The following AVEN variants were observed in gnomAD, a reference collection of about 807,000 sequenced individuals.
AVEN encodes the protein apoptosis and caspase activation inhibitor.
In AVEN, 41 loss-of-function variants were observed where a neutral mutation model predicts 38.1. The observed-to-expected ratio is 1.08, with a 90% CI of 0.84 to 1.40. The LOEUF (loss-of-function observed/expected upper bound fraction) is 1.40, where lower values mean the gene tolerates loss of function less well. AVEN is among the 40% of genes most tolerant of loss of function. The pLI, the probability that AVEN is intolerant of heterozygous loss-of-function variation, is 0.00. For synonymous variants in AVEN, 206 were observed against 171.8 expected (o/e 1.20, Z -1.56); for missense variants, 605 against 438.8 (o/e 1.38, Z -3.38).
At chr15:34,027,012 A>G (rs1457117785) in intron 1 of AVEN, among the ~76,000 whole-genome samples, 1 of 138,034 alleles carries the variant, frequency 7.2e-6, no homozygotes, top group Non-Finnish European at 1.6e-5. Context: ...ATAGAATAGA[A>G]GTACTTCCAG....
intron 1 of AVEN, among the ~76,000 whole-genome samples, chr15:34,013,008 T>C (rs1044182468): frequency 6.6e-6 from 1 of 152,174 alleles, no homozygotes; most frequent in Non-Finnish European, 1.5e-5. Flanking sequence ...TCAAAATGAA[T>C]GTAGCATACT....
intron 2 of AVEN, among the ~76,000 whole-genome samples, chr15:33,889,073 T>C (rs1364329780): frequency 6.6e-6 from 1 of 152,198 alleles, no homozygotes; most frequent in Non-Finnish European, 1.5e-5. Context: ...CTTACAGATA[T>C]TTTAAAATTA....
chr15:33,948,285 C>T (rs918319491), intron 2 of AVEN, among the ~76,000 whole-genome samples: 2 of 151,388 alleles, frequency 1.3e-5, no homozygotes, highest in Admixed American at 6.6e-5. Flanking sequence ...TTAGTAGAGA[C>T]GGGGTTTCAC....
intron 2 of AVEN, among the ~76,000 whole-genome samples, chr15:33,966,794 G>T (rs941873573): frequency 2.0e-5 from 3 of 152,108 alleles, no homozygotes; most frequent in Non-Finnish European, 4.4e-5. Flanking sequence ...CAAATGTTAT[G>T]CTTTACCAGA....
intron 2 of AVEN, among the ~76,000 whole-genome samples, chr15:33,909,324 G>A (rs775335309): frequency 1.6e-4 from 25 of 151,918 alleles, no homozygotes; most frequent in Non-Finnish European, 3.2e-4. Flanking sequence ...TGTGCAGGGA[G>A]AAAAAACAAA....
chr15:33,975,008 C>A (rs1895823437), intron 2 of AVEN, among the ~76,000 whole-genome samples: 1 of 152,116 alleles, frequency 6.6e-6, no homozygotes. Context: ...TGAGTTTTGA[C>A]ATCCTATCAT....
downstream of AVEN, chr15:33,857,734 AGAG>A (rs1169775030): frequency 6.2e-7 from 1 of 1,610,738 alleles, no homozygotes; most frequent in South Asian, 1.1e-5. Flanking sequence ...CTTTCAAGGT[AGAG>A]AAGACCCCAC....
exon 1 of AVEN, among the ~76,000 whole-genome samples, chr15:34,074,905 G>A (rs139557360): frequency 6.6e-4 from 100 of 152,280 alleles, no homozygotes; most frequent in African/African-American, 2.3e-3. Context: ...TTGACCAGGT[G>A]CGGTGGCTCA....
downstream of AVEN, among the ~76,000 whole-genome samples, chr15:33,863,330 G>A (rs537810692): frequency 6.6e-6 from 1 of 152,156 alleles, no homozygotes; most frequent in Non-Finnish European, 1.5e-5. Context: ...GAAAGGCAGT[G>A]AACATACTTA....
chr15:33,882,679 T>G (rs1891541215), intron 2 of AVEN, among the ~76,000 whole-genome samples: 1 of 151,664 alleles, frequency 6.6e-6, no homozygotes, highest in South Asian at 2.1e-4. Context: ...CAAGCCTGGG[T>G]AACAAAATGA....
the AVEN span, chr15:33,853,461 G>C: frequency 6.9e-7 from 1 of 1,453,016 alleles, no homozygotes; most frequent in African/African-American, 1.4e-5. Context: ...TTGGAAGATT[G>C]CCCATAGGGC....
At position 33,955,621 on chromosome 15, in the gene AVEN, G is replaced by A. The variant is rs543520354; in HGVS notation, c.445+47411C>T. Among the ~76,000 whole-genome samples, 15 of 152,192 alleles carry A rather than the reference G, an allele frequency of 9.9e-5. No homozygotes were observed. The East Asian group carries it at 2.5e-3, about 25-fold the overall frequency. The stretch of plus-strand genomic sequence containing the variant: ...ATTCTGAAAATAAAATGAGTGATGA[G>A]GCAGAAGTCATAGGAAGATAAGAAA... On this transcript the variant is annotated intron_variant, in intron 2 of 5. Coordinates refer to ENST00000306730, the MANE Select transcript of AVEN (RefSeq NM_020371.3).
At chr15:33,937,534 A>C (rs1242573450) in intron 2 of AVEN, among the ~76,000 whole-genome samples, 2 of 30,378 alleles carry the variant, frequency 6.6e-5, no homozygotes, top group Non-Finnish European at 3.6e-4. Context: ...CTCCATCTCA[A>C]AAAAAAAAAA....
intron 2 of AVEN, among the ~76,000 whole-genome samples, chr15:33,918,270 CTTTTAAATAACCATAAAT>C (rs1893233136): frequency 6.6e-6 from 1 of 152,092 alleles, no homozygotes; most frequent in Non-Finnish European, 1.5e-5. Flanking sequence ...CTTGAAGCTT[CTTTTAAATAACCATAAAT>C]TTTAAGCTCA....
intron 2 of AVEN, among the ~76,000 whole-genome samples, chr15:33,917,012 T>A (rs750046845): frequency 2.0e-5 from 3 of 152,110 alleles, no homozygotes; most frequent in South Asian, 2.1e-4. Flanking sequence ...GAGAACAGCA[T>A]GTGGGTAACT....
chr15:34,039,339 T>G (rs969035352), upstream of AVEN, among the ~76,000 whole-genome samples: 25 of 150,646 alleles, frequency 1.7e-4, no homozygotes, highest in African/African-American at 6.1e-4. Context: ...GCATCAGAGA[T>G]AGGTTGGGGG....
chr15:34,022,208 T>C (rs1236070599), intron 1 of AVEN, among the ~76,000 whole-genome samples: 8 of 152,194 alleles, frequency 5.3e-5, no homozygotes, highest in Non-Finnish European at 1.2e-4. Context: ...TGGCCCCATG[T>C]TAGCAAAAAT....
chr15:33,911,673 T>C (rs1892923322), intron 2 of AVEN, among the ~76,000 whole-genome samples: 1 of 152,094 alleles, frequency 6.6e-6, no homozygotes. Flanking sequence ...TGGTTAATAA[T>C]ACAGAGCTCT....
Position 33,980,969 on chromosome 15 carries a change from G to A in AVEN, c.445+22063C>T, listed in dbSNP as rs1423591151. On this transcript the variant is annotated intron_variant, in intron 2 of 5. Coordinates refer to ENST00000306730, the MANE Select transcript of AVEN (RefSeq NM_020371.3). The stretch of plus-strand genomic sequence containing the variant: ...TTAACATAGGATTCAGAAACACTCT[G>A]CAAGTAAAAACTTTCTCACTTTAAA... 2.0e-5 allele frequency among the ~76,000 whole-genome samples: 3 copies of A among 152,246 alleles called. No homozygotes were observed. The East Asian group carries it at 5.8e-4, about 29-fold the overall frequency.
Sources: allele counts gnomAD v4.1 joint callset (sites outside exome capture counted in the v4.1 genomes callset), GRCh38; gene constraint gnomAD v4.1.1; transcripts MANE v1.5; gene names NCBI Gene and HGNC (gene_info 2026-07-23, HGNC 2026-07-21).